The following ANKRD29 variants were observed in gnomAD, a reference collection of about 807,000 sequenced individuals.
ANKRD29 encodes ankyrin repeat domain-containing protein 29.
ANKRD29 carries 32 observed loss-of-function variants against 38.0 expected under a neutral mutation model. That is an observed-to-expected ratio of 0.84 (90% CI 0.64 to 1.13). ANKRD29 has a LOEUF of 1.13. Ranked by LOEUF, ANKRD29 falls within the 50% of genes most tolerant of loss-of-function variation. The pLI, the probability that ANKRD29 is intolerant of heterozygous loss-of-function variation, is 0.00. For missense variants in ANKRD29, 357 were observed against 377.9 expected, an observed-to-expected ratio of 0.94 and a Z score of 0.46; for synonymous variants, 135 against 152.4, an observed-to-expected ratio of 0.89 and a Z score of 0.84.
intron 3 of ANKRD29, among the ~76,000 whole-genome samples, chr18:23,640,801 C>T (rs530673075): frequency 9.9e-5 from 15 of 152,280 alleles, no homozygotes; most frequent in Admixed American, 9.8e-4. Context: ...AAAGCTAATA[C>T]CACACCTTAC....
At chr18:23,630,872 C>T (rs1489572107) in intron 5 of ANKRD29, among the ~76,000 whole-genome samples, 1 of 143,246 alleles carries the variant, frequency 7.0e-6, no homozygotes, top group Non-Finnish European at 1.5e-5. Flanking sequence ...GGCACTGAGG[C>T]AGGAGGATCA....
chr18:23,624,500 A>AAAAAAAAAAAAAAAAAAT (rs2059837685), intron 6 of ANKRD29, among the ~76,000 whole-genome samples: 1 of 135,720 alleles, frequency 7.4e-6, no homozygotes, highest in African/African-American at 2.7e-5. Context: ...AAAAAAAAAA[A>AAAAAAAAAAAAAAAAAAT]GGTAATAGAA....
chr18:23,644,615 A>G (rs1327088242), intron 3 of ANKRD29, among the ~76,000 whole-genome samples: 1 of 152,216 alleles, frequency 6.6e-6, no homozygotes, highest in Non-Finnish European at 1.5e-5. Flanking sequence ...CCAGGGCTAC[A>G]GAGACCCAGT....
intron 9 of ANKRD29, 137 bp downstream of exon 9, chr18:23,611,955 T>C (rs544442328): frequency 2.9e-6 from 2 of 688,072 alleles, no homozygotes; most frequent in African/African-American, 3.6e-5. Context: ...ACTAATCACC[T>C]ACTAACAGCA....
At chr18:23,655,788 C>T (rs915178653) in intron 1 of ANKRD29, among the ~76,000 whole-genome samples, 2 of 145,298 alleles carry the variant, frequency 1.4e-5, no homozygotes, top group African/African-American at 2.5e-5. Flanking sequence ...CTCTGAGTTT[C>T]GTTTTACTTT....
intron 4 of ANKRD29, among the ~76,000 whole-genome samples, chr18:23,637,056 T>TC (rs201261843): frequency 0.025 from 3,822 of 152,294 alleles, 73 homozygotes; most frequent in Non-Finnish European, 0.037. Flanking sequence ...CATCCTGAGT[T>TC]CCATGTTCCA....
chr18:23,624,183 T>C (rs1286806090), intron 6 of ANKRD29, among the ~76,000 whole-genome samples: 1 of 151,518 alleles, frequency 6.6e-6, no homozygotes, highest in Non-Finnish European at 1.5e-5. Context: ...AAAAAGGTAA[T>C]GGCCAGGCAT....
rs375868094 is a variant in ANKRD29, at chr18:23,601,293, G to A, written c.839C>T (p.Ala280Val). The change falls in exon 10 of 10, where the codon GCA becomes GTA. Residue 280 changes from alanine (A) to valine (V), a missense_variant. By Grantham distance (64) the Ala-to-Val change is moderately conservative. Transcript: ENST00000592179. ...SLRNKANELPAELTKNERILR... is the reference protein window; with the variant it reads ...SLRNKANELPVELTKNERILR... Reference sequence around the variant, plus strand: ...TATACGTTCATTTTTGGTTAGTTCTGCCGGAAGTTCATTGGCCTGAAAGAA... The same window carrying A: ...TATACGTTCATTTTTGGTTAGTTCTACCGGAAGTTCATTGGCCTGAAAGAA... 2.4e-5 allele frequency: 38 copies of A among 1,613,944 alleles called. No individual in the cohort carries two copies. In the African/African-American group the frequency reaches 3.6e-4, roughly 15 times the overall value.
rs1279301875 is a variant in ANKRD29, at chr18:23,619,226, GCCCCAGGACAGCCGGGAGGC to G, written c.627+285_627+304del. On this transcript the variant is annotated intron_variant, in intron 7 of 9. Coordinates refer to ENST00000592179, the MANE Select transcript of ANKRD29 (RefSeq NM_173505.4). ...CAGCCAGGGGATCCCCCTAGGACAC[GCCCCAGGACAGCCGGGAGGC>G]CCCCAGGACAGGCGGGAGGCCCCCA... 9.9e-4 allele frequency among the ~76,000 whole-genome samples: 150 copies of G among 152,216 alleles called. 3 individuals are homozygous for G. In the East Asian group the frequency reaches 0.026, roughly 26 times the overall value.
At chr18:23,655,437 C>A (rs1415799343) in intron 1 of ANKRD29, among the ~76,000 whole-genome samples, 1 of 151,898 alleles carries the variant, frequency 6.6e-6, no homozygotes, top group African/African-American at 2.4e-5. Context: ...ATATGAAATT[C>A]TTTTTTTTAA....
intron 6 of ANKRD29, among the ~76,000 whole-genome samples, chr18:23,624,480 A>AAAAAAG: frequency 8.5e-6 from 1 of 117,330 alleles, no homozygotes; most frequent in Non-Finnish European, 1.6e-5. Context: ...AAAAAAAAAA[A>AAAAAAG]AAAAAAAAAA....
At chr18:23,627,928 AG>A (rs2059882470) in intron 6 of ANKRD29, among the ~76,000 whole-genome samples, 1 of 152,200 alleles carries the variant, frequency 6.6e-6, no homozygotes, top group Admixed American at 6.5e-5. Context: ...CGAAAGTAAA[AG>A]TTTTTTTGAA....
intron 6 of ANKRD29, among the ~76,000 whole-genome samples, chr18:23,627,442 G>A (rs1225416970): frequency 1.3e-5 from 2 of 152,140 alleles, no homozygotes; most frequent in Non-Finnish European, 2.9e-5. Flanking sequence ...CATCCACTTT[G>A]ACCAGGTTAT....
intron 9 of ANKRD29, among the ~76,000 whole-genome samples, chr18:23,604,460 C>T (rs528488901): frequency 6.6e-6 from 1 of 152,180 alleles, no homozygotes; most frequent in Admixed American, 6.5e-5. Context: ...ATCTGGATGT[C>T]AGCTTCTTTC....
chr18:23,650,979 C>A (rs993797582), intron 1 of ANKRD29, among the ~76,000 whole-genome samples: 3 of 152,056 alleles, frequency 2.0e-5, no homozygotes, highest in Non-Finnish European at 2.9e-5. Context: ...AGGCCTTTTG[C>A]GTAATATGCC....
rs962480608 is a variant in ANKRD29, at chr18:23,600,549, T to G, written c.*677A>C. ...CAATGTTGACTCTACGTAAAATTGA[T>G]TTTTACATGTCAGGAATAAGATGAG... is the stretch of plus-strand genomic sequence containing the variant. On this transcript the variant is annotated 3_prime_UTR_variant, in exon 10 of 10. Coordinates refer to ENST00000592179, the MANE Select transcript of ANKRD29 (RefSeq NM_173505.4). The G allele has an allele frequency of 2.6e-5, 4 of 152,654 alleles. No individual in the cohort carries two copies. Among genetic ancestry groups the G allele is most frequent in the African/African-American group, 9.6e-5 (4 of 41,464 alleles). 9.5% of individuals were successfully genotyped at this position (152,654 alleles called of 1,614,324 possible). A position where few individuals can be genotyped will look rare whatever the true frequency, so the allele number is the denominator to read the frequency against.
chr18:23,640,589 T>G (rs2060061195), intron 3 of ANKRD29, among the ~76,000 whole-genome samples: 2 of 152,120 alleles, frequency 1.3e-5, no homozygotes, highest in African/African-American at 4.8e-5. Context: ...ACAAGAAACA[T>G]CCTGATTCTA....
intron 1 of ANKRD29, among the ~76,000 whole-genome samples, chr18:23,652,948 C>T (rs1182351440): frequency 6.6e-6 from 1 of 152,172 alleles, no homozygotes; most frequent in Admixed American, 6.5e-5. Context: ...TGATAGTGGC[C>T]CTGTAAGATT....
intron 2 of ANKRD29, 62 bp from the exon 3 acceptor site, chr18:23,646,349 G>A: frequency 6.9e-7 from 1 of 1,452,394 alleles, no homozygotes; most frequent in Non-Finnish European, 9.6e-7. Flanking sequence ...AAGGGTCCTA[G>A]AGAAGATGCT....
Sources: allele counts gnomAD v4.1 joint callset (sites outside exome capture counted in the v4.1 genomes callset), GRCh38; gene constraint gnomAD v4.1.1; transcripts MANE v1.5; gene names NCBI Gene and HGNC (gene_info 2026-07-23, HGNC 2026-07-21).